Variants in VWA5B1 observed in about 807,000 individuals in gnomAD.
VWA5B1 encodes the protein von Willebrand factor A domain-containing protein 5B1.
Under a neutral mutation model 118.2 loss-of-function variants are expected in VWA5B1, and 115 were observed. The ratio of observed to expected loss-of-function variants is 0.97; its 90% CI spans 0.84 to 1.14. The LOEUF (loss-of-function observed/expected upper bound fraction) is 1.14, where lower values mean the gene tolerates loss of function less well. Ranked by LOEUF, VWA5B1 falls within the 50% of genes most tolerant of loss-of-function variation. The pLI is 0.00. For missense variants in VWA5B1, 1,596 were observed against 1,603.8 expected, an observed-to-expected ratio of 1.00 and a Z score of 0.08; for synonymous variants, 682 against 658.4, an observed-to-expected ratio of 1.04 and a Z score of -0.55.
rs767701178 is a variant in VWA5B1, at chr1:20,354,856, C to T, written c.*593C>T. 1 of 152,672 alleles carries T rather than the reference C, an allele frequency of 6.5e-6. No individual in the cohort carries two copies. The allele number at this position is 152,672 out of a possible 1,614,324, so 9.5% of individuals were successfully genotyped here. On this transcript the variant is annotated 3_prime_UTR_variant, in exon 22 of 22. Transcript: ENST00000289815. ...AAGCCAATTGGAGAAGCATCCTTCTCAACGCTTTACAAAAGAGTAGTTTGG... is the reference window on the plus strand; with the variant it reads ...AAGCCAATTGGAGAAGCATCCTTCTTAACGCTTTACAAAAGAGTAGTTTGG...
In VWA5B1 at chr1:20,328,057, A is replaced by G. The variant is rs1443283146; in HGVS notation, c.1254+57A>G. ...GTGGTGCATGGTGGGGAGCAGAGGA[A>G]AGGAGGGAAAGGGGAAAAAATAGTT... On this transcript the variant is annotated intron_variant, in intron 9 of 21. Coordinates refer to ENST00000289815, the MANE Select transcript of VWA5B1 (RefSeq NM_001039500.3). 2.0e-6 allele frequency: 3 copies of G among 1,485,306 alleles called. No homozygotes were observed. The Admixed American group carries it at 5.9e-5, about 29-fold the overall frequency. 92.0% of individuals were successfully genotyped at this position (1,485,306 alleles called of 1,614,324 possible). A position where few individuals can be genotyped will look rare whatever the true frequency, so the allele number is the denominator to read the frequency against.
chr1:20,291,936 G>A (rs1020926823), intron 1 of VWA5B1, among the ~76,000 whole-genome samples: 2 of 152,126 alleles, frequency 1.3e-5, no homozygotes, highest in South Asian at 2.1e-4. Flanking sequence ...TGCTCCCGCC[G>A]CCGGCACCAC....
intron 12 of VWA5B1, among the ~76,000 whole-genome samples, chr1:20,333,869 T>C (rs928441743): frequency 6.6e-6 from 1 of 152,190 alleles, no homozygotes; most frequent in African/African-American, 2.4e-5. Flanking sequence ...GTTTTGTTTT[T>C]CAAAAAAGAA....
intron 16 of VWA5B1, among the ~76,000 whole-genome samples, chr1:20,344,709 A>G: frequency 6.6e-6 from 1 of 152,020 alleles, no homozygotes; most frequent in East Asian, 1.9e-4. Context: ...CGGTTATATC[A>G]TTTCTTTGTC....
chr1:20,352,075 G>A lies in VWA5B1; in HGVS notation c.3044G>A (p.Arg1015Lys), dbSNP rs1028518255. ...CACAGGCTAAATCTCAACAAGTCCA[G>A]GCTACTGACGCGAGCAGCCAAGGGC... Reference protein sequence around the residue: ...FGSWLNLNKSRLLTRAAKGFL... With the variant: ...FGSWLNLNKSKLLTRAAKGFL... The change falls in exon 21 of 22, where the codon AGG becomes AAG. Residue 1015 changes from arginine to lysine, a missense_variant. Physicochemically the swap from Arg to Lys is conservative, Grantham distance 26. Transcript: ENST00000289815. 4.8e-5 allele frequency: 74 copies of A among 1,551,156 alleles called. No individual in the cohort carries two copies. The highest frequency in any genetic ancestry group is 6.1e-5 in the Non-Finnish European group (70 of 1,146,920).
In VWA5B1 at chr1:20,311,419, T is replaced by C. The variant is rs1468208275; in HGVS notation, c.139+679T>C. On this transcript the variant is annotated intron_variant, in intron 2 of 21. Coordinates refer to ENST00000289815, the MANE Select transcript of VWA5B1 (RefSeq NM_001039500.3). ...ACCATGGTTCTTGCTCCTATGACCC[T>C]GGGGAAGCTGCCACTCCCTCAAAAT... 3.3e-5 allele frequency among the ~76,000 whole-genome samples: 5 copies of C among 152,208 alleles called. No individual in the cohort carries two copies. In the East Asian group the frequency reaches 9.6e-4, roughly 29 times the overall value.
intron 15 of VWA5B1, 114 bp downstream of exon 15, chr1:20,342,723 T>A: frequency 7.7e-7 from 1 of 1,305,370 alleles, no homozygotes; most frequent in Non-Finnish European, 1.0e-6. Context: ...CCCCTTGTGG[T>A]CTGCTGCGGC....
intron 5 of VWA5B1, 24 bp from the exon 6 acceptor site, chr1:20,318,566 C>G (rs1420024091): frequency 6.4e-7 from 1 of 1,550,896 alleles, no homozygotes; most frequent in Non-Finnish European, 8.7e-7. Context: ...GCCTATATCC[C>G]CCTTGCCTTT....
At chr1:20,322,440 C>T (rs151018744) in intron 7 of VWA5B1, among the ~76,000 whole-genome samples, 4 of 152,294 alleles carry the variant, frequency 2.6e-5, no homozygotes, top group Non-Finnish European at 5.9e-5. Context: ...GTCCTGGCCT[C>T]AGGGCCAGCT....
chr1:20,300,826 T>A (rs2088489026), intron 1 of VWA5B1, among the ~76,000 whole-genome samples: 1 of 152,114 alleles, frequency 6.6e-6, no homozygotes, highest in Non-Finnish European at 1.5e-5. Flanking sequence ...TACCCCAGGG[T>A]CTTAAGACCC....
Position 20,323,402 on chromosome 1 carries a change from C to A in VWA5B1, c.1013C>A (p.Ser338Tyr), listed in dbSNP as rs1318220491. The change falls in exon 8 of 22, where the codon TCC becomes TAC. Residue 338 changes from serine to tyrosine, a missense_variant. By Grantham distance (144) the Ser-to-Tyr change is moderately radical. Coordinates refer to ENST00000289815, the MANE Select transcript of VWA5B1 (RefSeq NM_001039500.3). ...KRLHKDIPHH[S>Y]VIMLNFCPDL... ...CTCCACAAAGACATTCCCCACCACT[C>A]CGTCATCATGCTCAACTTCTGTCCC... 6.5e-7 allele frequency: 1 copy of A among 1,528,684 alleles called. No homozygotes were observed. Among genetic ancestry groups the A allele is most frequent in the South Asian group, 1.3e-5 (1 of 79,974 alleles). 94.7% of individuals were successfully genotyped at this position (1,528,684 alleles called of 1,614,324 possible). A position where few individuals can be genotyped will look rare whatever the true frequency, so the allele number is the denominator to read the frequency against.
chr1:20,307,047 C>T (rs755451508), intron 1 of VWA5B1, among the ~76,000 whole-genome samples: 1 of 152,152 alleles, frequency 6.6e-6, no homozygotes, highest in African/African-American at 2.4e-5. Context: ...TGGTTTCTCT[C>T]ACCTCACCAG....
chr1:20,358,352 G>A lies in VWA5B1; in HGVS notation c.*4089G>A, dbSNP rs945314608. On this transcript the variant is annotated 3_prime_UTR_variant, in exon 22 of 22. Transcript: ENST00000289815. Reference sequence around the variant, plus strand: ...AAAAGGTTTCTGGAAGTTTCCTCTAGATCCTGACTTGCCCTCTGTTAATCC... The same window carrying A: ...AAAAGGTTTCTGGAAGTTTCCTCTAAATCCTGACTTGCCCTCTGTTAATCC... Among the ~76,000 whole-genome samples the A allele has an allele frequency of 2.0e-5, 3 of 152,200 alleles. No homozygotes were observed. Among genetic ancestry groups the A allele is most frequent in the African/African-American group, 7.2e-5 (3 of 41,438 alleles).
Position 20,343,150 on chromosome 1 carries a change from G to A in VWA5B1, c.2383G>A (p.Glu795Lys). 6.5e-7 allele frequency: 1 copy of A among 1,547,744 alleles called. No homozygotes were observed. The highest frequency in any genetic ancestry group is 2.4e-5 in the East Asian group (1 of 40,820). The change falls in exon 16 of 22, where the codon GAG (glutamate) becomes AAG (lysine). Residue 795 changes from glutamate (E) to lysine (K), a missense_variant. Coordinates refer to ENST00000289815, the MANE Select transcript of VWA5B1 (RefSeq NM_001039500.3). ...CTGGGACCCCCCAGCCGAGTCCCAG[G>A]AGCGAGCCAGTCCCAGCAGGCCCGC... ...SDWDPPAESQ[E>K]RASPSRPATP...
intron 4 of VWA5B1, 82 bp from the exon 5 acceptor site, chr1:20,317,448 A>C: frequency 6.7e-7 from 1 of 1,500,028 alleles, no homozygotes; most frequent in Admixed American, 2.1e-5. Context: ...CCTGGAACTC[A>C]TCGTCCTCTC....
rs371036491 is a variant in VWA5B1 at position 20,348,271 on chromosome 1, C to T, written c.2791C>T (p.Arg931Trp). ...SGAALRMLGS[R>W]ALAQQWRGTS... ...AGCTGCCCTGCGTATGCTTGGCTCT[C>T]GGGCCCTGGCCCAACAGTGGAGGGG... Residue 931 changes from arginine to tryptophan, a missense_variant, in exon 18 of 22, where the codon CGG becomes TGG. By Grantham distance (101) the Arg-to-Trp change is moderately radical. Transcript: ENST00000289815. 2.6e-5 allele frequency: 40 copies of T among 1,551,558 alleles called. No homozygotes were observed. Among genetic ancestry groups the T allele is most frequent in the African/African-American group, 5.5e-5 (4 of 73,044 alleles).
Position 20,327,889 on chromosome 1 carries a change from G to T in VWA5B1, c.1144-1G>T, listed in dbSNP as rs1400536319. Reference sequence around the variant, plus strand: ...CTGAAAACCCCTTTCTCTCCTGCCAGGATGCCATGTTGGTGGCCCTTAAGA... The same window carrying T: ...CTGAAAACCCCTTTCTCTCCTGCCATGATGCCATGTTGGTGGCCCTTAAGA... On this transcript the variant is annotated splice_acceptor_variant, in intron 8 of 21. Transcript: ENST00000289815. LOFTEE classifies it high-confidence loss of function. 1 of 1,551,428 alleles carries T rather than the reference G, an allele frequency of 6.4e-7. No individual in the cohort carries two copies. The highest frequency in any genetic ancestry group is 8.7e-7 in the Non-Finnish European group (1 of 1,146,854).
rs1013411721 is a variant in VWA5B1, at chr1:20,310,613, G to A, written c.12G>A (p.Leu4=). MPG[L]LNWITGAALP... ...GAGTAGCCAGCGGGATGCCCGGCTT[G>A]CTGAATTGGATCACGGGGGCAGCCC... The change falls in exon 2 of 22, where the codon TTG becomes TTA. Residue 4 remains leucine (L), a synonymous_variant. Transcript: ENST00000289815. 1.0e-5 allele frequency: 16 copies of A among 1,540,486 alleles called. No individual in the cohort carries two copies. The African/African-American group carries it at 2.1e-4, about 20-fold the overall frequency.
chr1:20,348,099 G>A, intron 17 of VWA5B1, 146 bp from the exon 18 acceptor site: 1 of 781,172 alleles, frequency 1.3e-6, no homozygotes, highest in Non-Finnish European at 2.1e-6. Context: ...TGACTCTAAA[G>A]CTTATGGTCT....
Sources: allele counts gnomAD v4.1 joint callset (sites outside exome capture counted in the v4.1 genomes callset), GRCh38; gene constraint gnomAD v4.1.1; transcripts MANE v1.5; gene names NCBI Gene and HGNC (gene_info 2026-07-23, HGNC 2026-07-21).